SND1: variants seen among roughly 807,000 people sequenced by gnomAD.
SND1 encodes the protein staphylococcal nuclease domain-containing protein 1.
SND1 carries 38 observed loss-of-function variants against 121.7 expected under a neutral mutation model. That is an observed-to-expected ratio of 0.31 (90% CI 0.24 to 0.41). SND1 has a LOEUF of 0.41. Among genes scored for constraint, SND1 ranks in the 10% least tolerant of loss-of-function variants. The pLI is 1.00. For synonymous variants in SND1, 401 were observed against 447.4 expected, an observed-to-expected ratio of 0.90 and a Z score of 1.31; for missense variants, 868 against 1,184.6, an observed-to-expected ratio of 0.73 and a Z score of 3.92.
chr7:128,013,305 T>C (rs1013421940), intron 16 of SND1, among the ~76,000 whole-genome samples: 3 of 152,178 alleles, frequency 2.0e-5, no homozygotes, highest in African/African-American at 4.8e-5. Flanking sequence ...TCCGCCCAAG[T>C]GCTGAGTGCC....
At chr7:127,764,118 A>G (rs748102996) in intron 10 of SND1, among the ~76,000 whole-genome samples, 19 of 152,184 alleles carry the variant, frequency 1.2e-4, no homozygotes, top group South Asian at 6.2e-4. Context: ...ACTGACATAC[A>G]TTGCTGATTC....
intron 10 of SND1, among the ~76,000 whole-genome samples, chr7:127,771,272 T>C (rs1313199244): frequency 2.0e-5 from 3 of 152,200 alleles, no homozygotes; most frequent in African/African-American, 7.2e-5. Context: ...GGCATACGTA[T>C]ACTATTGGTT....
chr7:127,951,166 C>T (rs1409892267), intron 15 of SND1, among the ~76,000 whole-genome samples: 1 of 152,146 alleles, frequency 6.6e-6, no homozygotes, highest in Admixed American at 6.5e-5. Context: ...ATTCAAACAA[C>T]CTAAATGGCC....
chr7:127,982,484 G>C lies in SND1; in HGVS notation c.1670-8463G>C, dbSNP rs185455534. ...TATCCCTTTATTCTGATCATTGAAA[G>C]AGCTTTAGCAGTGACATGTTCCAAA... On this transcript the variant is annotated intron_variant, in intron 15 of 23. Coordinates refer to ENST00000354725, the MANE Select transcript of SND1 (RefSeq NM_014390.4). 3.0e-4 allele frequency among the ~76,000 whole-genome samples: 45 copies of C among 152,300 alleles called. No individual in the cohort carries two copies. The East Asian group carries it at 8.3e-3, about 28-fold the overall frequency.
At chr7:127,833,312 C>T (rs1798799005) in intron 11 of SND1, among the ~76,000 whole-genome samples, 1 of 145,556 alleles carries the variant, frequency 6.9e-6, no homozygotes, top group African/African-American at 2.6e-5. Context: ...GTCACCCAGG[C>T]TGGAGTGCAG....
Position 127,853,273 on chromosome 7 carries a change from G to A in SND1, c.1343+8849G>A, listed in dbSNP as rs147178163. 9.6e-3 allele frequency among the ~76,000 whole-genome samples: 1,457 copies of A among 152,264 alleles called. 12 individuals are homozygous for A. Among genetic ancestry groups the A allele is most frequent in the Middle Eastern group, 0.014 (4 of 294 alleles). On this transcript the variant is annotated intron_variant, in intron 12 of 23. Transcript: ENST00000354725. ...GCTGTCTCAAATGCTGTGGCCACAC[G>A]TCCATCTAAACTTCTTCCCGTGTTA...
intron 15 of SND1, among the ~76,000 whole-genome samples, chr7:127,947,509 A>G (rs1030780437): frequency 1.3e-5 from 2 of 152,190 alleles, no homozygotes; most frequent in African/African-American, 4.8e-5. Context: ...GGTGAACTAT[A>G]AATATTAGCT....
intron 16 of SND1, among the ~76,000 whole-genome samples, chr7:128,001,149 G>T (rs1802817183): frequency 6.6e-6 from 1 of 152,198 alleles, no homozygotes; most frequent in African/African-American, 2.4e-5. Context: ...AGTGACCAAT[G>T]GTCTGTTATG....
At chr7:127,993,811 A>G (rs992651838) in intron 16 of SND1, among the ~76,000 whole-genome samples, 16 of 152,202 alleles carry the variant, frequency 1.1e-4, no homozygotes, top group African/African-American at 3.9e-4. Flanking sequence ...TGAAGCCCAC[A>G]GATTGTACGA....
At chr7:127,719,109 A>T (rs765248290) in intron 9 of SND1, among the ~76,000 whole-genome samples, 3 of 152,294 alleles carry the variant, frequency 2.0e-5, no homozygotes, top group Middle Eastern at 3.4e-3. Context: ...GGATACCACA[A>T]TAGCAGATAT....
chr7:127,749,042 C>CTTTTTT (rs1491284090), intron 10 of SND1, among the ~76,000 whole-genome samples: 1 of 114,570 alleles, frequency 8.7e-6, no homozygotes, highest in Non-Finnish European at 1.8e-5. Context: ...TTTTTTCTTT[C>CTTTTTT]GTTTTTTTTT....
intron 14 of SND1, among the ~76,000 whole-genome samples, chr7:127,924,441 T>C (rs1049414786): frequency 6.6e-6 from 1 of 152,220 alleles, no homozygotes; most frequent in Non-Finnish European, 1.5e-5. Context: ...CATGCTGTTT[T>C]CTGTGCTGTT....
At chr7:128,030,632 G>A (rs1792560490) in intron 16 of SND1, 1 of 1,558,268 alleles carries the variant, frequency 6.4e-7, no homozygotes, top group Non-Finnish European at 8.7e-7. Flanking sequence ...CCTGCCACAA[G>A]AGCTTCATGG....
chr7:127,682,995 T>G (rs1795753305), intron 1 of SND1, among the ~76,000 whole-genome samples: 2 of 152,212 alleles, frequency 1.3e-5, no homozygotes, highest in Non-Finnish European at 2.9e-5. Context: ...CCCTTGGCCT[T>G]TTTCATATTT....
At chr7:128,050,836 G>A (rs1219289634) in intron 16 of SND1, among the ~76,000 whole-genome samples, 2 of 152,220 alleles carry the variant, frequency 1.3e-5, no homozygotes, top group African/African-American at 2.4e-5. Context: ...CAGAGCTGCC[G>A]TGATGAAGGG....
chr7:127,919,076 T>C (rs1312887541), intron 14 of SND1, among the ~76,000 whole-genome samples: 1 of 152,236 alleles, frequency 6.6e-6, no homozygotes, highest in Non-Finnish European at 1.5e-5. Flanking sequence ...TTTAAAAGAC[T>C]AATTAGACAT....
In SND1 at chr7:127,904,762, CA is replaced by C; in HGVS notation, c.1473del (p.Gly492AspfsTer178). 1 of 1,609,926 alleles carries C rather than the reference CA, an allele frequency of 6.2e-7. No homozygotes were observed. Among genetic ancestry groups the C allele is most frequent in the Non-Finnish European group, 8.5e-7 (1 of 1,176,342 alleles). On this transcript the variant is annotated frameshift_variant, in exon 14 of 24. Coordinates refer to ENST00000354725, the MANE Select transcript of SND1 (RefSeq NM_014390.4). LOFTEE classifies it high-confidence loss of function. ...TCCTTAACAGAGCTATTAAGAATGG[CA>C]AAGGATTGCATAGCAAGAAGGAAGT... is the stretch of plus-strand genomic sequence containing the variant. Reference protein sequence around the residue: ...AAEARAIKNGKGLHSKKEVPI... With the variant: ...AAEARAIKNGXGLHSKKEVPI...
chr7:127,727,136 CG>C, intron 10 of SND1, among the ~76,000 whole-genome samples: 1 of 152,298 alleles, frequency 6.6e-6, no homozygotes, highest in African/African-American at 2.4e-5. Flanking sequence ...TATTCAGACC[CG>C]GGTGCTAAAG....
intron 2 of SND1, among the ~76,000 whole-genome samples, chr7:127,690,817 A>G (rs1202695484): frequency 6.6e-6 from 1 of 152,242 alleles, no homozygotes; most frequent in East Asian, 1.9e-4. Flanking sequence ...ACATTCAGGA[A>G]TAATCAAGGA....
Sources: gnomAD v4.1 joint callset for allele counts (sites outside exome capture counted in the v4.1 genomes callset) on GRCh38, gnomAD v4.1.1 for gene constraint, MANE v1.5 for transcripts, NCBI Gene and HGNC (gene_info 2026-07-23, HGNC 2026-07-21) for gene names.